CHST11: variants seen among roughly 807,000 people sequenced by gnomAD.
CHST11 encodes the protein C4S-1.
Under a neutral mutation model 30.4 loss-of-function variants are expected in CHST11, and 9 were observed. The observed-to-expected ratio is 0.30, with a 90% CI of 0.18 to 0.52. CHST11 has a LOEUF of 0.52. Ranked by LOEUF, CHST11 falls within the 20% of genes least tolerant of loss-of-function variation. The probability of loss-of-function intolerance (pLI) is 0.97; values close to 1 mark genes in which losing one functional copy is unlikely to be tolerated. For synonymous variants in CHST11, 152 were observed against 187.8 expected, an observed-to-expected ratio of 0.81 and a Z score of 1.56; for missense variants, 348 against 460.6, an observed-to-expected ratio of 0.76 and a Z score of 2.24.
At chr12:104,494,857 T>G (rs147414284) in intron 1 of CHST11, among the ~76,000 whole-genome samples, 4 of 152,308 alleles carry the variant, frequency 2.6e-5, no homozygotes, top group Non-Finnish European at 5.9e-5. Context: ...TTAATCCTTT[T>G]TAAGAGTACG....
At chr12:104,734,246 A>C (rs2040280642) in intron 2 of CHST11, among the ~76,000 whole-genome samples, 2 of 152,224 alleles carry the variant, frequency 1.3e-5, no homozygotes, top group South Asian at 4.1e-4. Flanking sequence ...TTTAAATCCA[A>C]CTATCTTGAA....
intron 2 of CHST11, among the ~76,000 whole-genome samples, chr12:104,679,126 G>A (rs746823583): frequency 1.3e-5 from 2 of 152,152 alleles, no homozygotes; most frequent in South Asian, 2.1e-4. Context: ...TCCTATCTTC[G>A]TAGTACTCAG....
intron 2 of CHST11, among the ~76,000 whole-genome samples, chr12:104,736,135 A>G (rs1353723839): frequency 6.6e-6 from 1 of 152,118 alleles, no homozygotes; most frequent in African/African-American, 2.4e-5. Context: ...TCCATGGGCA[A>G]TGTCCAACGG....
chr12:104,703,432 G>A (rs918197997), intron 2 of CHST11, among the ~76,000 whole-genome samples: 5 of 152,104 alleles, frequency 3.3e-5, no homozygotes, highest in Non-Finnish European at 7.4e-5. Context: ...CATGCCACAC[G>A]TTTAGCCCAC....
At chr12:104,604,244 T>TG in intron 2 of CHST11, among the ~76,000 whole-genome samples, 1 of 152,048 alleles carries the variant, frequency 6.6e-6, no homozygotes, top group Non-Finnish European at 1.5e-5. Context: ...GCCTGGGACT[T>TG]GGGAGGGAAA....
chr12:104,651,507 G>T (rs977264214), intron 2 of CHST11, among the ~76,000 whole-genome samples: 1 of 152,186 alleles, frequency 6.6e-6, no homozygotes, highest in Non-Finnish European at 1.5e-5. Context: ...TCGCCAAAAG[G>T]ATTGGGGTAG....
At chr12:104,716,088 G>T (rs1362115400) in intron 2 of CHST11, among the ~76,000 whole-genome samples, 4 of 152,210 alleles carry the variant, frequency 2.6e-5, no homozygotes, top group Non-Finnish European at 4.4e-5. Flanking sequence ...AGCTTGGGTG[G>T]ATCTGGTGGT....
At chr12:104,662,007 G>GTC (rs1422393084) in intron 2 of CHST11, among the ~76,000 whole-genome samples, 2 of 152,190 alleles carry the variant, frequency 1.3e-5, no homozygotes, top group African/African-American at 2.4e-5. Context: ...AGATGAATCA[G>GTC]TGAGCTCCAT....
At chr12:104,548,317 G>A (rs6539159) in intron 1 of CHST11, among the ~76,000 whole-genome samples, 74,238 of 152,012 alleles carry the variant, frequency 0.49, 18,447 homozygotes, top group Middle Eastern at 0.68. Context: ...GATCTCTGGG[G>A]AAAAATTCTG....
intron 1 of CHST11, among the ~76,000 whole-genome samples, chr12:104,571,986 C>T (rs1189985062): frequency 6.6e-6 from 1 of 152,144 alleles, no homozygotes; most frequent in Non-Finnish European, 1.5e-5. Context: ...TGGTTTTTGT[C>T]GTTGGTTCTG....
intron 1 of CHST11, among the ~76,000 whole-genome samples, chr12:104,592,849 A>G (rs1437778520): frequency 1.3e-5 from 2 of 152,284 alleles, no homozygotes; most frequent in East Asian, 3.9e-4. Flanking sequence ...CTGTCTGGGC[A>G]TGTTTCTGCA....
In CHST11 at chr12:104,665,730, C is replaced by T. The variant is rs1458512135; in HGVS notation, c.204+63739C>T. On this transcript the variant is annotated intron_variant, in intron 2 of 2. Transcript: ENST00000303694. ...ACATACTTGGAATTTTCTCTGGATG[C>T]CAAGCAAATGTCCATGATTTGTGGG... Among the ~76,000 whole-genome samples the T allele has an allele frequency of 2.5e-5, 3 of 118,802 alleles. No homozygotes were observed. In the East Asian group the frequency reaches 7.3e-4, roughly 29 times the overall value. 77.9% of individuals were successfully genotyped at this position (118,802 alleles called of 152,430 possible). A position where few individuals can be genotyped will look rare whatever the true frequency, so the allele number is the denominator to read the frequency against.
At position 104,760,240 on chromosome 12, in the gene CHST11, C is replaced by T. The variant is rs949745913; in HGVS notation, c.*2437C>T. 7.7e-6 allele frequency: 1 copy of T among 129,552 alleles called. No homozygotes were observed. The highest frequency in any genetic ancestry group is 8.4e-5 in the Admixed American group (1 of 11,894). The allele number at this position is 129,552 out of a possible 1,614,324, so 8.0% of individuals were successfully genotyped here. A position where few individuals can be genotyped will look rare whatever the true frequency, so the allele number is the denominator to read the frequency against. The stretch of plus-strand genomic sequence containing the variant: ...AGGTCTTCAAGGATAAAAACTGCCA[C>T]CCCAACACCCTTCCATTAAAAAAAA... On this transcript the variant is annotated 3_prime_UTR_variant, in exon 3 of 3. Transcript: ENST00000303694.
chr12:104,482,352 C>G (rs868430231), intron 1 of CHST11, among the ~76,000 whole-genome samples: 1,178 of 95,382 alleles, frequency 0.012, 18 homozygotes, highest in African/African-American at 0.052. Context: ...GAGCCCCCCC[C>G]CGCAAAAATG....
At chr12:104,707,795 C>T (rs765657838) in intron 2 of CHST11, among the ~76,000 whole-genome samples, 5 of 152,150 alleles carry the variant, frequency 3.3e-5, no homozygotes, top group African/African-American at 4.8e-5. Flanking sequence ...CCACTGACAA[C>T]GAGGACACAT....
chr12:104,736,378 A>G (rs1163351844), intron 2 of CHST11, among the ~76,000 whole-genome samples: 1 of 152,204 alleles, frequency 6.6e-6, no homozygotes, highest in Non-Finnish European at 1.5e-5. Flanking sequence ...GTAGAGGGTG[A>G]TGATAAGAAA....
chr12:104,557,572 G>A (rs1046771868), intron 1 of CHST11, among the ~76,000 whole-genome samples: 2 of 152,114 alleles, frequency 1.3e-5, no homozygotes, highest in Non-Finnish European at 2.9e-5. Context: ...GGGGAGAGGA[G>A]GGCGGCTGGA....
intron 1 of CHST11, among the ~76,000 whole-genome samples, chr12:104,595,887 G>A (rs2038902579): frequency 6.6e-6 from 1 of 152,186 alleles, no homozygotes; most frequent in Non-Finnish European, 1.5e-5. Context: ...CCTTCCAAAT[G>A]GTGTTGCTGG....
intron 1 of CHST11, among the ~76,000 whole-genome samples, chr12:104,589,236 A>T (rs566569249): frequency 7.2e-4 from 109 of 151,520 alleles, no homozygotes; most frequent in Middle Eastern, 3.4e-3. Context: ...CCATCTCTAT[A>T]AAAAAAATTC....
Sources: gnomAD v4.1 joint callset for allele counts (sites outside exome capture counted in the v4.1 genomes callset) on GRCh38, gnomAD v4.1.1 for gene constraint, MANE v1.5 for transcripts, NCBI Gene and HGNC (gene_info 2026-07-23, HGNC 2026-07-21) for gene names.